The following DNAJC14 variants were observed in gnomAD, a reference collection of about 807,000 sequenced individuals.
DNAJC14 encodes the protein dnaJ homolog subfamily C member 14.
A neutral mutation model predicts 68.8 loss-of-function variants in DNAJC14; 12 were observed. That is an observed-to-expected ratio of 0.17 (90% confidence interval 0.11 to 0.28). The LOEUF (loss-of-function observed/expected upper bound fraction) is 0.28, where lower values mean the gene tolerates loss of function less well. Ranked by LOEUF, DNAJC14 falls within the 10% of genes least tolerant of loss-of-function variation. DNAJC14 has a pLI of 1.00. For synonymous variants in DNAJC14, 350 were observed against 321.5 expected (o/e 1.09, Z -0.95); for missense variants, 764 against 875.6 (o/e 0.87, Z 1.61).
chr12:55,829,462 C>G (rs1221620509), intron 1 of DNAJC14, 27 bp downstream of exon 1: 1 of 974,676 alleles, frequency 1.0e-6, no homozygotes, highest in South Asian at 4.8e-5. Context: ...CAAAAAAAAA[C>G]GAAAAAAAAA....
At chr12:55,824,194 AT>A (rs1348773085) in intron 2 of DNAJC14, among the ~76,000 whole-genome samples, 8 of 152,004 alleles carry the variant, frequency 5.3e-5, no homozygotes, top group Non-Finnish European at 7.4e-5. Flanking sequence ...AAACTCCTCA[AT>A]CCCAGATGAA....
chr12:55,827,038 A>G (rs566328476), intron 2 of DNAJC14, among the ~76,000 whole-genome samples: 37 of 151,326 alleles, frequency 2.4e-4, no homozygotes, highest in African/African-American at 8.7e-4. Context: ...AAATACAAAA[A>G]AAATTAGCCG....
At chr12:55,829,640 C>T (rs781003312), upstream of DNAJC14, 28 of 979,822 alleles carry the variant, frequency 2.9e-5, no homozygotes, top group Non-Finnish European at 3.4e-5. Flanking sequence ...ACTTCCACTT[C>T]CGGGGTCACC....
Position 55,822,711 on chromosome 12 carries a change from T to C in DNAJC14, c.1656A>G (p.Glu552=). The change falls in exon 5 of 7, where the codon GAA becomes GAG. Residue 552 remains glutamate (E), a synonymous_variant. Coordinates refer to ENST00000678005, the MANE Select transcript of DNAJC14 (RefSeq NM_032364.6). ...CAGCACAGTATCTGGCACTCTTAGG[T>C]TCCCGGTCCATTTCAAACCTCCTGC... ...GKHRRFEMDR[E]PKSARYCAEC... 1.9e-6 allele frequency: 3 copies of C among 1,614,080 alleles called. No homozygotes were observed. Among genetic ancestry groups the C allele is most frequent in the Non-Finnish European group, 2.5e-6 (3 of 1,179,990 alleles).
In DNAJC14 at chr12:55,825,569, T is replaced by C. The variant is rs538563550; in HGVS notation, c.1407+1683A>G. On this transcript the variant is annotated intron_variant, in intron 2 of 6. Coordinates refer to ENST00000678005, the MANE Select transcript of DNAJC14 (RefSeq NM_032364.6). ...TTTTTTTTTTTTTTTTTTGAGACGG[T>C]GTCTTGTTCTGTCGCCCAGGCTGGA... Among the ~76,000 whole-genome samples the C allele has an allele frequency of 4.7e-5, 5 of 107,414 alleles. No homozygotes were observed. The South Asian group carries it at 1.6e-3, about 34-fold the overall frequency. 70.5% of individuals were successfully genotyped at this position (107,414 alleles called of 152,430 possible).
At position 55,822,070 on chromosome 12, in the gene DNAJC14, T is replaced by C; in HGVS notation, c.2016A>G (p.Gly672=). 6.2e-7 allele frequency: 1 copy of C among 1,614,062 alleles called. No individual in the cohort carries two copies. Among genetic ancestry groups the C allele is most frequent in the East Asian group, 2.2e-5 (1 of 44,882 alleles). Residue 672 remains glycine, a synonymous_variant, in exon 7 of 7, where the codon GGA becomes GGG. Transcript: ENST00000678005. ...TGTTGGGCTTAGAGGCTGCAGCGGC[T>C]CCAGGGGCAGGCTGAGGAGCTGCAA... is the stretch of plus-strand genomic sequence containing the variant. The part of the protein sequence containing the change: ...NFFAAPQPAP[G]AAAASKPNST...
rs1388502972 is a variant in DNAJC14, at chr12:55,827,828, C to T, written c.831G>A (p.Arg277=). The change falls in exon 2 of 7, where the codon AGG becomes AGA. Residue 277 remains arginine (R), a synonymous_variant. Coordinates refer to ENST00000678005, the MANE Select transcript of DNAJC14 (RefSeq NM_032364.6). ...ETCGHLIYAC[R]QLKSSDLDLF... ...GGTCCAAATCACTGCTTTTCAGTTG[C>T]CTGCAGGCATAGATGAGATGGCCAC... is the stretch of plus-strand genomic sequence containing the variant. 2 of 1,614,040 alleles carry T rather than the reference C, an allele frequency of 1.2e-6. No individual in the cohort carries two copies. Among genetic ancestry groups the T allele is most frequent in the South Asian group, 1.1e-5 (1 of 91,068 alleles).
At chr12:55,822,208 T>C (rs374830888) in intron 6 of DNAJC14, 21 bp from the exon 7 acceptor site, 1 of 1,558,936 alleles carries the variant, frequency 6.4e-7, no homozygotes, top group South Asian at 1.2e-5. Flanking sequence ...ACAGAAGAAA[T>C]AAGGCAAGAG....
chr12:55,829,463 G>GA (rs757741400), intron 1 of DNAJC14, 26 bp downstream of exon 1: 29,596 of 687,546 alleles, frequency 0.043, 1 homozygote, highest in Non-Finnish European at 0.047. Context: ...AAAAAAAAAC[G>GA]AAAAAAAAAA....
rs1026992657 is a variant in DNAJC14, at chr12:55,828,613, G to A, written c.46C>T (p.His16Tyr). Residue 16 changes from histidine (H) to tyrosine (Y), a missense_variant, in exon 2 of 7, where the codon CAC (histidine) becomes TAC (tyrosine). This residue lies in a region of DNAJC14 where 514 missense variants were observed against 521.7 expected (regional missense o/e 0.99). Transcript: ENST00000678005. ...GTCCTGAGGGAGGCACCACCACTGT[G>A]GTGGGCTCCATACAACCCTCTTTCT... is the stretch of plus-strand genomic sequence containing the variant. ...PGERGLYGAH[H>Y]SGGASLRTLG... 25 of 1,614,000 alleles carry A rather than the reference G, an allele frequency of 1.5e-5. No homozygotes were observed. The highest frequency in any genetic ancestry group is 2.1e-5 in the Non-Finnish European group (25 of 1,180,002).
Position 55,822,730 on chromosome 12 carries a change from C to T in DNAJC14, c.1637G>A (p.Arg546Lys), listed in dbSNP as rs768808249. Residue 546 changes from arginine (R) to lysine (K), a missense_variant and splice_region_variant, in exon 5 of 7, where the codon AGG becomes AAG. Arg to Lys is a conservative substitution (Grantham distance 26). Around this residue, in one of 4 missense-constraint regions of DNAJC14, gnomAD observed 110 missense variants for 162.7 expected, o/e 0.68. Transcript: ENST00000678005. Reference sequence around the variant, plus strand: ...CTTAGGTTCCCGGTCCATTTCAAACCTCCTGCAACCAACAAAAGGATAGTT... The same window carrying T: ...CTTAGGTTCCCGGTCCATTTCAAACTTCCTGCAACCAACAAAAGGATAGTT... ...MCSRCQGKHR[R>K]FEMDREPKSA... The T allele has an allele frequency of 1.2e-6, 2 of 1,613,916 alleles. No homozygotes were observed. The highest frequency in any genetic ancestry group is 4.5e-5 in the East Asian group (2 of 44,880).
At chr12:55,825,802 C>T (rs1265038625) in intron 2 of DNAJC14, among the ~76,000 whole-genome samples, 1 of 151,998 alleles carries the variant, frequency 6.6e-6, no homozygotes, top group Non-Finnish European at 1.5e-5. Flanking sequence ...CCTCACCCTC[C>T]CAAAGTGCTG....
chr12:55,827,070 A>G (rs1880816251), intron 2 of DNAJC14, among the ~76,000 whole-genome samples, 182 bp downstream of exon 2: 1 of 151,552 alleles, frequency 6.6e-6, no homozygotes, highest in Non-Finnish European at 1.5e-5. Context: ...GCGCACCTGT[A>G]ATCCCAGCTA....
chr12:55,827,853 C>T lies in DNAJC14; in HGVS notation c.806G>A (p.Cys269Tyr). ...LVLVGEYVETCGHLIYACRQL... is the reference protein window; with the variant it reads ...LVLVGEYVETYGHLIYACRQL... ...CCTGCAGGCATAGATGAGATGGCCA[C>T]AAGTTTCTACGTACTCTCCCACCAA... Residue 269 changes from cysteine to tyrosine, a missense_variant, in exon 2 of 7, where the codon TGT (cysteine) becomes TAT (tyrosine). Cys to Tyr is a radical substitution (Grantham distance 194, BLOSUM62 -2). Coordinates refer to ENST00000678005, the MANE Select transcript of DNAJC14 (RefSeq NM_032364.6). 6.2e-7 allele frequency: 1 copy of T among 1,613,800 alleles called. No homozygotes were observed. The highest frequency in any genetic ancestry group is 8.5e-7 in the Non-Finnish European group (1 of 1,179,784).
intron 2 of DNAJC14, 30 bp downstream of exon 2, chr12:55,827,220 AAG>A (rs745343220): frequency 9.2e-6 from 13 of 1,407,150 alleles, no homozygotes; most frequent in African/African-American, 1.5e-5. Flanking sequence ...ATGGGAACAA[AAG>A]AGAGAAACAG....
chr12:55,827,753 G>C lies in DNAJC14; in HGVS notation c.906C>G (p.Ala302=). The change falls in exon 2 of 7, where the codon GCC becomes GCG. Residue 302 remains alanine, a synonymous_variant. Transcript: ENST00000678005. ...GVWTGRLGGW[A]QVMFQFLSQG... ...GGCTTAGAAACTGAAACATGACCTG[G>C]GCCCAGCCCCCTAACCGCCCTGTCC... 1.2e-6 allele frequency: 2 copies of C among 1,613,906 alleles called. No individual in the cohort carries two copies. The highest frequency in any genetic ancestry group is 1.7e-6 in the Non-Finnish European group (2 of 1,179,946).
Position 55,829,416 on chromosome 12 carries a change from G to A in DNAJC14, c.-57+73C>T, listed in dbSNP as rs1364768748. On this transcript the variant is annotated intron_variant, in intron 1 of 6. Transcript: ENST00000678005. The stretch of plus-strand genomic sequence containing the variant: ...ACCGAGATCGTGCCACTGTACTCCA[G>A]TCTGGGTGACAGAGCGAGACTCCAT... The A allele has an allele frequency of 5.1e-6, 5 of 983,798 alleles. No homozygotes were observed. In the African/African-American group the frequency reaches 5.3e-5, roughly 10 times the overall value. 60.9% of individuals were successfully genotyped at this position (983,798 alleles called of 1,614,324 possible). A position where few individuals can be genotyped will look rare whatever the true frequency, so the allele number is the denominator to read the frequency against.
Position 55,821,822 on chromosome 12 carries a change from A to T in DNAJC14, c.*155T>A, listed in dbSNP as rs1565688275. On this transcript the variant is annotated 3_prime_UTR_variant, in exon 7 of 7. Transcript: ENST00000678005. The stretch of plus-strand genomic sequence containing the variant: ...CAGTAAGCTGAGATCACACCACTGC[A>T]CTCCAGCTGGGCAACAGAGCAAGAC... 3.9e-6 allele frequency: 3 copies of T among 761,000 alleles called. No individual in the cohort carries two copies. The highest frequency in any genetic ancestry group is 3.6e-5 in the African/African-American group (2 of 55,584). 47.1% of individuals were successfully genotyped at this position (761,000 alleles called of 1,614,324 possible). A position where few individuals can be genotyped will look rare whatever the true frequency, so the allele number is the denominator to read the frequency against.
At chr12:55,828,892 C>G (rs1355641568) in intron 1 of DNAJC14, among the ~76,000 whole-genome samples, 178 bp from the exon 2 acceptor site, 8 of 152,234 alleles carry the variant, frequency 5.3e-5, no homozygotes, top group Non-Finnish European at 8.8e-5. Context: ...TGCTTGCTCC[C>G]TCCCCTCTCC....
Sources: gnomAD v4.1 joint callset for allele counts (sites outside exome capture counted in the v4.1 genomes callset) on GRCh38, gnomAD v4.1.1 for gene constraint, gnomAD v4.1.1 regional missense constraint, MANE v1.5 for transcripts, NCBI Gene and HGNC (gene_info 2026-07-23, HGNC 2026-07-21) for gene names.